Variants in PLEKHG1 observed in about 807,000 individuals in gnomAD.
The protein encoded by PLEKHG1 is pleckstrin homology and RhoGEF domain containing G1.
Under a neutral mutation model 100.8 loss-of-function variants are expected in PLEKHG1, and 44 were observed. That is an observed-to-expected ratio of 0.44 (90% CI 0.34 to 0.56). PLEKHG1 has a LOEUF of 0.56. Ranked by LOEUF, PLEKHG1 falls within the 20% of genes least tolerant of loss-of-function variation. PLEKHG1 has a pLI of 0.01. For missense variants in PLEKHG1, 1,545 were observed against 1,720.9 expected (o/e 0.90, Z 1.81); for synonymous variants, 640 against 662.5 (o/e 0.97, Z 0.52).
intron 6 of PLEKHG1, among the ~76,000 whole-genome samples, chr6:150,802,926 C>G (rs964363696): frequency 2.0e-5 from 3 of 152,152 alleles, no homozygotes; most frequent in African/African-American, 7.2e-5. Flanking sequence ...CCTCAAAGTG[C>G]TGGGATTACA....
chr6:150,684,899 C>T (rs903044665), intron 3 of PLEKHG1, among the ~76,000 whole-genome samples: 3 of 152,102 alleles, frequency 2.0e-5, no homozygotes, highest in Non-Finnish European at 4.4e-5. Context: ...TAAGGAAGCA[C>T]GTGTGTGCTT....
chr6:150,779,344 G>GTTTGTTTGTTTTTTTTTTTTT (rs1257363893), intron 3 of PLEKHG1, among the ~76,000 whole-genome samples: 4 of 104,536 alleles, frequency 3.8e-5, no homozygotes, highest in African/African-American at 1.7e-4. Context: ...TTGTCAAGAA[G>GTTTGTTTGTTTTTTTTTTTTT]TTTTTTTTTT....
At chr6:150,610,760 A>G (rs957083955) in intron 1 of PLEKHG1, among the ~76,000 whole-genome samples, 4 of 152,230 alleles carry the variant, frequency 2.6e-5, no homozygotes, top group African/African-American at 9.6e-5. Flanking sequence ...AATGGGAGTC[A>G]AGTAACTCCA....
upstream of PLEKHG1, among the ~76,000 whole-genome samples, chr6:150,720,532 T>C (rs1417786606): frequency 6.6e-6 from 1 of 152,222 alleles, no homozygotes; most frequent in Non-Finnish European, 1.5e-5. Context: ...TCCTTAAACT[T>C]TGTTCACCTA....
chr6:150,828,341 GCTCTGT>G, intron 14 of PLEKHG1: 2 of 1,610,666 alleles, frequency 1.2e-6, no homozygotes, highest in Non-Finnish European at 1.7e-6. Flanking sequence ...TCAGTGCGGC[GCTCTGT>G]CCTCATGAAG....
exon 13 of PLEKHG1, chr6:150,821,202 C>T (rs1330307795): frequency 6.8e-6 from 11 of 1,613,156 alleles, no homozygotes; most frequent in Non-Finnish European, 9.3e-6. Flanking sequence ...CAGAACCTTC[C>T]TCACGGTCAC....
intron 13 of PLEKHG1, among the ~76,000 whole-genome samples, chr6:150,821,543 T>C (rs1776301035): frequency 6.6e-6 from 1 of 151,550 alleles, no homozygotes; most frequent in Non-Finnish European, 1.5e-5. Context: ...AATTAGCCAG[T>C]CCCAGTGGCT....
chr6:150,667,667 G>A (rs553791865), intron 3 of PLEKHG1, among the ~76,000 whole-genome samples: 24 of 152,280 alleles, frequency 1.6e-4, no homozygotes, highest in Non-Finnish European at 2.5e-4. Context: ...CATTGAATTT[G>A]CATTAAAATT....
intron 3 of PLEKHG1, among the ~76,000 whole-genome samples, chr6:150,773,231 G>A (rs574759518): frequency 6.6e-6 from 1 of 152,212 alleles, no homozygotes; most frequent in South Asian, 2.1e-4. Context: ...GCTAGCCACT[G>A]ATTTGAAAAG....
chr6:150,628,493 G>A (rs920700940), intron 1 of PLEKHG1, among the ~76,000 whole-genome samples: 1 of 130,042 alleles, frequency 7.7e-6, no homozygotes, highest in Non-Finnish European at 1.6e-5. Flanking sequence ...CTCAGCAAAT[G>A]GACATTTGTT....
At chr6:150,718,437 TG>T (rs935179054), upstream of PLEKHG1, among the ~76,000 whole-genome samples, 1 of 151,612 alleles carries the variant, frequency 6.6e-6, no homozygotes, top group African/African-American at 2.4e-5. Flanking sequence ...CCTGGACCAT[TG>T]CTCAATAAAT....
chr6:150,839,068 C>T (rs1215867735), intron 15 of PLEKHG1, among the ~76,000 whole-genome samples: 1 of 152,058 alleles, frequency 6.6e-6, no homozygotes, highest in Non-Finnish European at 1.5e-5. Flanking sequence ...TGATGGGAAG[C>T]CAGGGGTAGC....
At chr6:150,716,485 T>C (rs1781449457), upstream of PLEKHG1, among the ~76,000 whole-genome samples, 1 of 152,254 alleles carries the variant, frequency 6.6e-6, no homozygotes. Flanking sequence ...TGCATGCCTT[T>C]GCCCATCCGT....
chr6:150,817,025 C>T (rs114689194), intron 10 of PLEKHG1, among the ~76,000 whole-genome samples: 37 of 152,296 alleles, frequency 2.4e-4, no homozygotes, highest in African/African-American at 7.9e-4. Context: ...TAAATCCAGA[C>T]GAAGCTTCTC....
exon 16 of PLEKHG1, chr6:150,840,580 T>C: frequency 6.2e-7 from 1 of 1,614,176 alleles, no homozygotes; most frequent in East Asian, 2.2e-5. Flanking sequence ...GATGACTATG[T>C]GGAAATCAAG....
In PLEKHG1 at chr6:150,667,342, C is replaced by T. The variant is rs116527148; in HGVS notation, c.-99+16556C>T. Among the ~76,000 whole-genome samples, 1,028 of 152,170 alleles carry T rather than the reference C, an allele frequency of 6.8e-3. 13 individuals carry two copies. The highest frequency in any genetic ancestry group is 0.023 in the African/African-American group (973 of 41,504). ...TACATATGATTTTGTGAATACTTAG[C>T]CTTTGACTAAGGATTGACTCTGAAA... is the stretch of plus-strand genomic sequence containing the variant. On this transcript the variant is annotated intron_variant, in intron 3 of 3. Coordinates refer to the PLEKHG1 transcript ENST00000367326.
At position 150,677,286 on chromosome 6, in the gene PLEKHG1, A is replaced by G. The variant is rs73008192; in HGVS notation, c.-99+26500A>G. ...TCTTGTCTCTTGTTTCTTCCCCTAT[A>G]CACACACACACACACACGCGCGCGC... On this transcript the variant is annotated intron_variant, in intron 3 of 3. Transcript: ENST00000367326. 1.0e-3 allele frequency among the ~76,000 whole-genome samples: 48 copies of G among 47,808 alleles called. 1 individual carries two copies. The South Asian group carries it at 0.012, about 12-fold the overall frequency. 31.4% of individuals were successfully genotyped at this position (47,808 alleles called of 152,430 possible).
At chr6:150,791,197 C>T (rs9371474) in intron 4 of PLEKHG1, among the ~76,000 whole-genome samples, 35,475 of 152,048 alleles carry the variant, frequency 0.23, 4,575 homozygotes, top group East Asian at 0.39. Context: ...ACATCAGTAA[C>T]CCAGCAATCT....
intron 11 of PLEKHG1, 41 bp downstream of exon 12, chr6:150,818,257 C>A: frequency 7.6e-7 from 1 of 1,314,864 alleles, no homozygotes; most frequent in Non-Finnish European, 1.1e-6. Context: ...ATTTCATTGT[C>A]TGTTTGTATC....
Sources: allele counts gnomAD v4.1 joint callset (sites outside exome capture counted in the v4.1 genomes callset), GRCh38; gene constraint gnomAD v4.1.1; transcripts MANE v1.5; gene names NCBI Gene and HGNC (gene_info 2026-07-23, HGNC 2026-07-21).